The following CSMD1 variants were observed in gnomAD, a reference collection of about 807,000 sequenced individuals.
The protein encoded by CSMD1 is CUB and Sushi multiple domains 1.
Under a neutral mutation model 417.5 loss-of-function variants are expected in CSMD1, and 213 were observed. That is an observed-to-expected ratio of 0.51 (90% CI 0.46 to 0.57). The LOEUF (loss-of-function observed/expected upper bound fraction) is 0.57, where lower values mean the gene tolerates loss of function less well. Among genes scored for constraint, CSMD1 ranks in the 20% least tolerant of loss-of-function variants. The pLI is 0.00. For synonymous variants in CSMD1, 2,862 were observed against 1,736.8 expected (o/e 1.65, Z -16.11); for missense variants, 6,923 against 4,529.7 (o/e 1.53, Z -15.17).
intron 41 of CSMD1, chr8:3,127,647 T>C (rs1817577751): frequency 6.6e-6 from 1 of 152,174 alleles, no homozygotes; most frequent in Admixed American, 6.5e-5. Flanking sequence ...AAAATGGTGT[T>C]TGGCACACAT....
chr8:3,322,712 C>A (rs1305611575), intron 23 of CSMD1, among the ~76,000 whole-genome samples: 1 of 152,180 alleles, frequency 6.6e-6, no homozygotes, highest in African/African-American at 2.4e-5. Context: ...GAGTCCACAG[C>A]CAGTGGGGCA....
At chr8:3,092,354 A>G (rs938952039) in intron 47 of CSMD1, among the ~76,000 whole-genome samples, 5 of 152,310 alleles carry the variant, frequency 3.3e-5, no homozygotes, top group African/African-American at 7.2e-5. Flanking sequence ...TAGGATAACA[A>G]TTATACAAAA....
intron 6 of CSMD1, among the ~76,000 whole-genome samples, chr8:3,730,752 A>T (rs548670253): frequency 6.6e-6 from 1 of 152,274 alleles, no homozygotes; most frequent in East Asian, 1.9e-4. Context: ...TGCAGATAGG[A>T]CCAGAGTTAT....
intron 49 of CSMD1, among the ~76,000 whole-genome samples, chr8:3,071,955 A>C (rs1467056509): frequency 6.6e-6 from 1 of 152,214 alleles, no homozygotes; most frequent in Non-Finnish European, 1.5e-5. Context: ...ACCTGGAAGC[A>C]ACCCTTCCAG....
At position 3,993,832 on chromosome 8, in the gene CSMD1, T is replaced by C. The variant is rs192361071; in HGVS notation, c.818+4071A>G. Among the ~76,000 whole-genome samples the C allele has an allele frequency of 3.9e-5, 6 of 152,348 alleles. No individual in the cohort carries two copies. In the East Asian group the frequency reaches 9.7e-4, roughly 25 times the overall value. On this transcript the variant is annotated intron_variant, in intron 5 of 69. Coordinates refer to ENST00000635120, the MANE Select transcript of CSMD1 (RefSeq NM_033225.6). ...ACTTGCATTATTTATGTAGTGTTCT[T>C]CCAGGTACTCTGCATGCCCCTCTAA... is the stretch of plus-strand genomic sequence containing the variant.
intron 2 of CSMD1, among the ~76,000 whole-genome samples, chr8:4,477,834 G>C (rs1324380811): frequency 6.6e-6 from 1 of 152,078 alleles, no homozygotes. Context: ...TTATATTTTT[G>C]GTTTGTTTGC....
intron 1 of CSMD1, among the ~76,000 whole-genome samples, chr8:4,674,085 A>C (rs1171413626): frequency 6.6e-6 from 1 of 152,206 alleles, no homozygotes; most frequent in African/African-American, 2.4e-5. Flanking sequence ...ACTTATATGC[A>C]TTATTCTCTT....
At chr8:3,840,641 T>C (rs999331032) in intron 5 of CSMD1, among the ~76,000 whole-genome samples, 2 of 151,926 alleles carry the variant, frequency 1.3e-5, no homozygotes, top group African/African-American at 4.8e-5. Flanking sequence ...GTGCACTTGC[T>C]AGTGTATAGG....
chr8:3,544,763 A>G lies in CSMD1; in HGVS notation c.1344+30182T>C, dbSNP rs566508727. On this transcript the variant is annotated intron_variant, in intron 10 of 69. Coordinates refer to ENST00000635120, the MANE Select transcript of CSMD1 (RefSeq NM_033225.6). ...CTGGGTGGAGACAGGGAATGGAGCC[A>G]AATCTTAGAAATGTTGTTTGCTTTT... is the stretch of plus-strand genomic sequence containing the variant. Among the ~76,000 whole-genome samples the G allele has an allele frequency of 5.9e-5, 9 of 152,094 alleles. No individual in the cohort carries two copies. In the South Asian group the frequency reaches 1.7e-3, roughly 28 times the overall value.
At chr8:2,966,011 A>T in intron 58 of CSMD1, 57 bp from the exon 59 acceptor site, 2 of 1,434,696 alleles carry the variant, frequency 1.4e-6, no homozygotes, top group Non-Finnish European at 1.9e-6. Context: ...GAAATGAATT[A>T]GTCACCATTT....
intron 5 of CSMD1, among the ~76,000 whole-genome samples, chr8:3,955,371 C>G (rs1811872651): frequency 6.6e-6 from 1 of 152,202 alleles, no homozygotes; most frequent in Admixed American, 6.5e-5. Context: ...CCTCATCTTA[C>G]TGGTTCAGAG....
At chr8:3,214,346 A>G in intron 30 of CSMD1, 151 bp downstream of exon 30, 1 of 646,150 alleles carries the variant, frequency 1.5e-6, no homozygotes, top group Non-Finnish European at 2.6e-6. Flanking sequence ...ATGATCAATG[A>G]ATGACTGATA....
At chr8:4,101,191 G>A (rs1801286423) in intron 3 of CSMD1, among the ~76,000 whole-genome samples, 1 of 152,180 alleles carries the variant, frequency 6.6e-6, no homozygotes, top group African/African-American at 2.4e-5. Flanking sequence ...ACATCTATAT[G>A]CCTACATACA....
chr8:3,298,138 G>T (rs1173755232), intron 25 of CSMD1, among the ~76,000 whole-genome samples: 1 of 152,124 alleles, frequency 6.6e-6, no homozygotes, highest in Non-Finnish European at 1.5e-5. Flanking sequence ...CACCCTCTCA[G>T]GGAGTGAGGG....
rs181212173 is a variant in CSMD1 at position 4,460,609 on chromosome 8, G to C, written c.303-40544C>G. Among the ~76,000 whole-genome samples, 394 of 151,810 alleles carry C rather than the reference G, an allele frequency of 2.6e-3. 5 individuals carry two copies. The highest frequency in any genetic ancestry group is 9.0e-3 in the African/African-American group (371 of 41,414). On this transcript the variant is annotated intron_variant, in intron 2 of 69. Transcript: ENST00000635120. Reference sequence around the variant, plus strand: ...AAGAAGTCTCAAATTACTAAAATGGGGGAAAAAAAGGTAGAGAATATTACT... The same window carrying C: ...AAGAAGTCTCAAATTACTAAAATGGCGGAAAAAAAGGTAGAGAATATTACT...
At chr8:4,450,511 T>C (rs2129812559) in intron 2 of CSMD1, among the ~76,000 whole-genome samples, 2 of 152,154 alleles carry the variant, frequency 1.3e-5, no homozygotes, top group East Asian at 3.9e-4. Flanking sequence ...GGTGCGGGCC[T>C]GTAGTGCCAG....
intron 40 of CSMD1, among the ~76,000 whole-genome samples, chr8:3,148,699 C>A (rs1359832497): frequency 6.6e-6 from 1 of 152,180 alleles, no homozygotes; most frequent in Non-Finnish European, 1.5e-5. Flanking sequence ...TCAGATTCTG[C>A]AAATTGCTCG....
intron 5 of CSMD1, among the ~76,000 whole-genome samples, chr8:3,799,314 G>T (rs1443424066): frequency 6.6e-6 from 1 of 150,756 alleles, no homozygotes; most frequent in African/African-American, 2.4e-5. Context: ...TGTTACATAT[G>T]TACACATGTG....
intron 2 of CSMD1, among the ~76,000 whole-genome samples, chr8:4,538,041 G>A (rs1797188881): frequency 6.6e-6 from 1 of 152,012 alleles, no homozygotes; most frequent in Admixed American, 6.6e-5. Context: ...TATAAATATA[G>A]CTGTCAATTG....
Sources: allele counts gnomAD v4.1 joint callset (sites outside exome capture counted in the v4.1 genomes callset), GRCh38; gene constraint gnomAD v4.1.1; transcripts MANE v1.5; gene names NCBI Gene and HGNC (gene_info 2026-07-23, HGNC 2026-07-21).